The following GADL1 variants were observed in gnomAD, a reference collection of about 807,000 sequenced individuals.
GADL1 encodes GAD like acidic amino acid decarboxylase 1, also known as acidic amino acid decarboxylase GADL1.
In GADL1, 71 loss-of-function variants were observed where a neutral mutation model predicts 69.5. The observed-to-expected ratio is 1.02, with a 90% confidence interval of 0.84 to 1.25. GADL1 has a LOEUF of 1.25. Among genes scored for constraint, GADL1 ranks in the 50% most tolerant of loss-of-function variants. GADL1 has a pLI of 0.00. For synonymous variants in GADL1, 254 were observed against 214.4 expected (o/e 1.18, Z -1.62); for missense variants, 737 against 631.8 (o/e 1.17, Z -1.79).
rs1187791972 is a variant in GADL1 at position 30,786,376 on chromosome 3, T to C, written c.1281A>G (p.Glu427=). The C allele has an allele frequency of 6.4e-7, 1 of 1,553,748 alleles. No individual in the cohort carries two copies. Among genetic ancestry groups the C allele is most frequent in the Admixed American group, 1.7e-5 (1 of 59,774 alleles). Residue 427 remains glutamate (E), a synonymous_variant, in exon 13 of 15, where the codon GAA becomes GAG. Transcript: ENST00000282538. ...TTACTTCCATCAGTAACTTGAATCCTTCTCTTTTCTTGATTTCATCTACTA... is the reference window on the plus strand; with the variant it reads ...TTACTTCCATCAGTAACTTGAATCCCTCTCTTTTCTTGATTTCATCTACTA... ...RYLVDEIKKR[E]GFKLLMEPEY...
At chr3:30,730,468 G>A (rs1253168619) in intron 14 of GADL1, among the ~76,000 whole-genome samples, 4 of 152,118 alleles carry the variant, frequency 2.6e-5, no homozygotes, top group African/African-American at 9.7e-5. Context: ...AGGTGTCTGA[G>A]TACTTACTTC....
intron 1 of GADL1, among the ~76,000 whole-genome samples, chr3:30,869,362 G>A (rs553714951): frequency 1.3e-5 from 2 of 151,852 alleles, no homozygotes; most frequent in East Asian, 3.9e-4. Context: ...GCGGGTAACT[G>A]TGAACAACCT....
intron 6 of GADL1, among the ~76,000 whole-genome samples, chr3:30,848,927 C>T (rs1311812226): frequency 6.6e-6 from 1 of 152,168 alleles, no homozygotes; most frequent in Non-Finnish European, 1.5e-5. Flanking sequence ...GGTGACTTTA[C>T]AGCAAGTCCC....
At chr3:30,737,169 A>G (rs940502153) in intron 14 of GADL1, among the ~76,000 whole-genome samples, 1 of 152,128 alleles carries the variant, frequency 6.6e-6, no homozygotes, top group African/African-American at 2.4e-5. Flanking sequence ...CTGTATATTT[A>G]CCAGGCCACC....
chr3:30,779,876 G>A (rs949569126), intron 13 of GADL1, among the ~76,000 whole-genome samples: 2 of 152,178 alleles, frequency 1.3e-5, no homozygotes, highest in Non-Finnish European at 2.9e-5. Context: ...TTTGTCAGCA[G>A]AGGGTGCTGG....
rs144692564 is a variant in GADL1, at chr3:30,850,979, G to C, written c.429-38C>G. On this transcript the variant is annotated intron_variant, in intron 4 of 14. Transcript: ENST00000282538. ...AAAAAACACTTCACTTCTATGACTA[G>C]AGTCAAAACATTCCTTTGGTGTCCC... 1,473 of 1,201,488 alleles carry C rather than the reference G, an allele frequency of 1.2e-3. 20 individuals are homozygous for C. The African/African-American group carries it at 0.021, about 17-fold the overall frequency. 74.4% of individuals were successfully genotyped at this position (1,201,488 alleles called of 1,614,324 possible).
At chr3:30,744,128 T>G (rs900318705) in intron 14 of GADL1, among the ~76,000 whole-genome samples, 1 of 152,176 alleles carries the variant, frequency 6.6e-6, no homozygotes, top group African/African-American at 2.4e-5. Flanking sequence ...GAAACCTAAT[T>G]CATATGACTC....
At chr3:30,734,918 C>T (rs768534912) in intron 14 of GADL1, among the ~76,000 whole-genome samples, 7 of 152,164 alleles carry the variant, frequency 4.6e-5, no homozygotes, top group Non-Finnish European at 8.8e-5. Context: ...AGTACTTTAG[C>T]ACCTTCATGT....
chr3:30,777,246 G>C (rs1006497142), intron 14 of GADL1, among the ~76,000 whole-genome samples: 11 of 151,754 alleles, frequency 7.2e-5, no homozygotes, highest in Non-Finnish European at 1.5e-4. Context: ...AATGAAAATT[G>C]CTTTTAAAAA....
At chr3:30,773,096 T>A (rs987957047) in intron 14 of GADL1, among the ~76,000 whole-genome samples, 2 of 150,546 alleles carry the variant, frequency 1.3e-5, no homozygotes, top group African/African-American at 5.0e-5. Flanking sequence ...TGCAAACTAA[T>A]TAATTATTGT....
At chr3:30,788,487 G>A (rs1168347314) in intron 12 of GADL1, among the ~76,000 whole-genome samples, 12 of 152,188 alleles carry the variant, frequency 7.9e-5, no homozygotes, top group African/African-American at 2.9e-4. Flanking sequence ...GGAGGGTCTT[G>A]CCTTGATGTT....
chr3:30,865,521 G>C (rs745613327), intron 1 of GADL1, among the ~76,000 whole-genome samples: 3 of 151,888 alleles, frequency 2.0e-5, no homozygotes, highest in Non-Finnish European at 4.4e-5. Flanking sequence ...GCCGTCGCAG[G>C]TTGTCTGTAT....
intron 12 of GADL1, among the ~76,000 whole-genome samples, chr3:30,794,452 C>A (rs1453314908): frequency 6.6e-6 from 1 of 152,106 alleles, no homozygotes; most frequent in African/African-American, 2.4e-5. Context: ...CTTTCCTAGG[C>A]AGATATCAGA....
At chr3:30,747,224 C>T (rs1393723643) in intron 14 of GADL1, among the ~76,000 whole-genome samples, 1 of 152,158 alleles carries the variant, frequency 6.6e-6, no homozygotes, top group Non-Finnish European at 1.5e-5. Context: ...GTGAGAATAC[C>T]CAGGCCATTT....
intron 4 of GADL1, among the ~76,000 whole-genome samples, chr3:30,851,332 G>C (rs1413264606): frequency 1.3e-5 from 2 of 152,156 alleles, no homozygotes; most frequent in East Asian, 3.9e-4. Context: ...TGGTAACCAA[G>C]TTTTATCAGA....
intron 14 of GADL1, among the ~76,000 whole-genome samples, chr3:30,755,821 G>T (rs1210010931): frequency 2.0e-5 from 2 of 101,492 alleles, no homozygotes; most frequent in Non-Finnish European, 3.6e-5. Context: ...AATGCCAAAG[G>T]TACTTTTTTT....
intron 14 of GADL1, among the ~76,000 whole-genome samples, chr3:30,760,244 G>A (rs964845771): frequency 6.6e-5 from 10 of 152,092 alleles, no homozygotes; most frequent in Non-Finnish European, 1.2e-4. Flanking sequence ...CATCTCCTTC[G>A]TTTCCATAGC....
Position 30,857,055 on chromosome 3 carries a change from C to T in GADL1, c.297G>A (p.Leu99=). ...AGTGTATGACATCCCGACAGAGTTC[C>T]AATAGTTTATGGGGTGGCTCGCCTG... is the stretch of plus-strand genomic sequence containing the variant. ...RDSGEPPHKL[L]ELCRDVIHYS... is the part of the protein sequence containing the mutation. Residue 99 remains leucine (L), a synonymous_variant, in exon 3 of 15, where the codon TTG becomes TTA. Transcript: ENST00000282538. 1 of 1,549,826 alleles carries T rather than the reference C, an allele frequency of 6.5e-7. No individual in the cohort carries two copies. The highest frequency in any genetic ancestry group is 8.7e-7 in the Non-Finnish European group (1 of 1,145,612).
At chr3:30,783,167 C>T (rs919342451) in intron 13 of GADL1, among the ~76,000 whole-genome samples, 3 of 152,118 alleles carry the variant, frequency 2.0e-5, no homozygotes, top group Admixed American at 1.3e-4. Flanking sequence ...TCTTCTATAA[C>T]TCAGTTGATG....
Sources: allele counts gnomAD v4.1 joint callset (sites outside exome capture counted in the v4.1 genomes callset), GRCh38; gene constraint gnomAD v4.1.1; transcripts MANE v1.5; gene names NCBI Gene and HGNC (gene_info 2026-07-23, HGNC 2026-07-21).